CDC14A: variants seen among roughly 807,000 people sequenced by gnomAD.
The protein encoded by CDC14A is dual specificity protein phosphatase CDC14A.
Under a neutral mutation model 74.4 loss-of-function variants are expected in CDC14A, and 53 were observed. The observed-to-expected ratio is 0.71, with a 90% CI of 0.57 to 0.89. The LOEUF (loss-of-function observed/expected upper bound fraction) is 0.89, where lower values mean the gene tolerates loss of function less well. CDC14A is among the 40% of genes least tolerant of loss of function. CDC14A has a pLI of 0.00. For synonymous variants in CDC14A, 247 were observed against 258.4 expected (o/e 0.96, Z 0.43); for missense variants, 646 against 713.7 (o/e 0.91, Z 1.08).
chr1:100,374,842 C>G (rs1174340297), intron 2 of CDC14A, among the ~76,000 whole-genome samples: 1 of 152,116 alleles, frequency 6.6e-6, no homozygotes, highest in Non-Finnish European at 1.5e-5. Flanking sequence ...GTGGTCTAGA[C>G]TAAATTGAAC....
chr1:100,419,853 T>G (rs1351359200), intron 4 of CDC14A, among the ~76,000 whole-genome samples: 1 of 151,830 alleles, frequency 6.6e-6, no homozygotes, highest in Non-Finnish European at 1.5e-5. Context: ...ATTTGTTTCC[T>G]CTTTTTCACA....
At chr1:100,424,769 A>G (rs559519214) in intron 5 of CDC14A, among the ~76,000 whole-genome samples, 3 of 152,336 alleles carry the variant, frequency 2.0e-5, no homozygotes, top group African/African-American at 7.2e-5. Context: ...TTGGCACACA[A>G]ATCTGACTGG....
upstream of CDC14A, chr1:100,352,500 A>T: frequency 9.7e-7 from 1 of 1,031,894 alleles, no homozygotes; most frequent in African/African-American, 1.7e-5. Context: ...GCGAAGGAGG[A>T]TCCGGAGCAG....
intron 2 of CDC14A, 102 bp from the exon 3 acceptor site, chr1:100,377,444 G>T: frequency 2.6e-6 from 2 of 783,106 alleles, no homozygotes; most frequent in Non-Finnish European, 2.1e-6. Context: ...TAAGATAATT[G>T]AAATTTGATT....
chr1:100,433,045 T>A (rs1663901540), intron 5 of CDC14A, among the ~76,000 whole-genome samples: 1 of 144,384 alleles, frequency 6.9e-6, no homozygotes, highest in Non-Finnish European at 1.5e-5. Context: ...TCTAATTAAA[T>A]TTTTTTTTTT....
chr1:100,495,239 C>G (rs1647605042), intron 12 of CDC14A, among the ~76,000 whole-genome samples: 1 of 152,174 alleles, frequency 6.6e-6, no homozygotes, highest in Non-Finnish European at 1.5e-5. Flanking sequence ...GTTTCTTGTC[C>G]TGTGTTGGAT....
At chr1:100,353,312 C>T (rs558507793) in intron 1 of CDC14A, among the ~76,000 whole-genome samples, 19 of 152,366 alleles carry the variant, frequency 1.2e-4, no homozygotes, top group African/African-American at 4.6e-4. Flanking sequence ...CACCGGTCAC[C>T]TTTACTCCAC....
At chr1:100,455,840 C>G (rs946079765) in intron 8 of CDC14A, among the ~76,000 whole-genome samples, 40 of 152,162 alleles carry the variant, frequency 2.6e-4, no homozygotes, top group African/African-American at 9.4e-4. Flanking sequence ...TGGTAGAGTG[C>G]TACACATCAA....
chr1:100,401,164 AATAT>A (rs1251481353), intron 4 of CDC14A, among the ~76,000 whole-genome samples: 1 of 152,222 alleles, frequency 6.6e-6, no homozygotes, highest in East Asian at 1.9e-4. Context: ...TACTTCAAAC[AATAT>A]ATACTGAATT....
At chr1:100,419,114 G>A (rs979582200) in intron 4 of CDC14A, among the ~76,000 whole-genome samples, 4 of 152,088 alleles carry the variant, frequency 2.6e-5, no homozygotes, top group African/African-American at 9.7e-5. Context: ...TGAGCCTTGG[G>A]GGTGGAGGTT....
chr1:100,397,711 G>T (rs1658703205), intron 4 of CDC14A, among the ~76,000 whole-genome samples: 1 of 152,132 alleles, frequency 6.6e-6, no homozygotes, highest in African/African-American at 2.4e-5. Flanking sequence ...TTATGTGGAG[G>T]ATGCTTAAAC....
At chr1:100,454,847 A>G (rs1385579094) in intron 7 of CDC14A, among the ~76,000 whole-genome samples, 1 of 152,090 alleles carries the variant, frequency 6.6e-6, no homozygotes, top group Non-Finnish European at 1.5e-5. Context: ...TATCCTCCAG[A>G]GTACAGCTTG....
At chr1:100,364,126 A>G (rs1054472878) in intron 2 of CDC14A, among the ~76,000 whole-genome samples, 1 of 152,126 alleles carries the variant, frequency 6.6e-6, no homozygotes, top group Non-Finnish European at 1.5e-5. Flanking sequence ...AGACCCTGTC[A>G]CAAAAAAAAA....
intron 9 of CDC14A, among the ~76,000 whole-genome samples, chr1:100,464,403 C>T (rs10493925): frequency 0.057 from 8,651 of 152,234 alleles, 832 homozygotes; most frequent in African/African-American, 0.2. Context: ...AGTGTGTTGG[C>T]TTGTCCCCAT....
chr1:100,517,554 G>A (rs1174400074), intron 15 of CDC14A, among the ~76,000 whole-genome samples: 1 of 152,060 alleles, frequency 6.6e-6, no homozygotes, highest in Non-Finnish European at 1.5e-5. Context: ...GTTGTCCCAG[G>A]CATTCTGATT....
At chr1:100,448,764 A>G (rs1415203641) in intron 7 of CDC14A, among the ~76,000 whole-genome samples, 1 of 152,180 alleles carries the variant, frequency 6.6e-6, no homozygotes, top group African/African-American at 2.4e-5. Context: ...TTTTCAGTTC[A>G]TTTGTTGAAC....
rs765677912 is a variant in CDC14A at position 100,462,760 on chromosome 1, C to T, written c.717C>T (p.Asp239=). 5.4e-5 allele frequency: 87 copies of T among 1,614,002 alleles called. 1 individual carries two copies. The highest frequency in any genetic ancestry group is 3.2e-4 in the South Asian group (29 of 91,084). ...TTTATGAGGCAAAGCGCTTCACAGA[C>T]GCTGGCTTCGAGCACTATGACCTCT... The part of the protein sequence containing the change: ...KKIYEAKRFT[D]AGFEHYDLFF... The change falls in exon 9 of 16, where the codon GAC becomes GAT. Residue 239 remains aspartate, a synonymous_variant. Coordinates refer to ENST00000336454, the MANE Select transcript of CDC14A (RefSeq NM_003672.4).
rs896943203 is a variant in CDC14A, at chr1:100,484,319, A to G, written c.1005A>G (p.Gly335=). The G allele has an allele frequency of 6.3e-7, 1 of 1,595,680 alleles. No homozygotes were observed. Among genetic ancestry groups the G allele is most frequent in the Non-Finnish European group, 8.5e-7 (1 of 1,171,856 alleles). ...AACAAGCATCGTTGTGGGTCCAAGG[A>G]GACATTTTCCGATCCAAACTGAAAA... ...EEKQASLWVQ[G]DIFRSKLKNR... The change falls in exon 11 of 16, where the codon GGA becomes GGG. Residue 335 remains glycine (G), a synonymous_variant. Coordinates refer to ENST00000336454, the MANE Select transcript of CDC14A (RefSeq NM_003672.4).
chr1:100,362,693 A>G (rs1208080206), intron 2 of CDC14A, among the ~76,000 whole-genome samples: 2 of 152,352 alleles, frequency 1.3e-5, no homozygotes, highest in East Asian at 3.9e-4. Context: ...AATCAACGAA[A>G]TACTTCCAGG....
Sources: allele counts gnomAD v4.1 joint callset (sites outside exome capture counted in the v4.1 genomes callset), GRCh38; gene constraint gnomAD v4.1.1; transcripts MANE v1.5; gene names NCBI Gene and HGNC (gene_info 2026-07-23, HGNC 2026-07-21).